CSMD1: variants seen among roughly 807,000 people sequenced by gnomAD.
The protein encoded by CSMD1 is CUB and Sushi multiple domains 1.
A neutral mutation model predicts 417.5 loss-of-function variants in CSMD1; 213 were observed. That is an observed-to-expected ratio of 0.51 (90% confidence interval 0.46 to 0.57). The LOEUF is 0.57. CSMD1 is among the 20% of genes least tolerant of loss of function. CSMD1 has a pLI of 0.00. For missense variants in CSMD1, 6,923 were observed against 4,529.7 expected (o/e 1.53, Z -15.17); for synonymous variants, 2,862 against 1,736.8 (o/e 1.65, Z -16.11).
chr8:3,707,962 T>C (rs1563294503), intron 7 of CSMD1, among the ~76,000 whole-genome samples: 1 of 152,208 alleles, frequency 6.6e-6, no homozygotes, highest in Non-Finnish European at 1.5e-5. Flanking sequence ...GTTTTCTCTT[T>C]GGAAGGACGT....
At chr8:4,139,678 T>C (rs1429097394) in intron 3 of CSMD1, among the ~76,000 whole-genome samples, 5 of 151,036 alleles carry the variant, frequency 3.3e-5, no homozygotes, top group South Asian at 2.1e-4. Context: ...AACAGTGCCA[T>C]TTGCAAATGT....
chr8:3,313,838 C>T lies in CSMD1; in HGVS notation c.3632-5335G>A, dbSNP rs565032998. On this transcript the variant is annotated intron_variant, in intron 23 of 69. Coordinates refer to ENST00000635120, the MANE Select transcript of CSMD1 (RefSeq NM_033225.6). ...ATGCACACGTATGTTTATAGCGGCA[C>T]TATTCACAATAGCAAAGATTTGGAA... 9.8e-4 allele frequency among the ~76,000 whole-genome samples: 149 copies of T among 152,288 alleles called. 2 individuals are homozygous for T. The highest frequency in any genetic ancestry group is 3.3e-3 in the Admixed American group (51 of 15,306).
intron 2 of CSMD1, among the ~76,000 whole-genome samples, chr8:4,553,822 G>C (rs1040390474): frequency 6.6e-6 from 1 of 152,182 alleles, no homozygotes; most frequent in South Asian, 2.1e-4. Flanking sequence ...CTATTTACAA[G>C]GGACATGATT....
At chr8:3,986,673 G>C (rs570541054) in intron 5 of CSMD1, among the ~76,000 whole-genome samples, 59 of 152,202 alleles carry the variant, frequency 3.9e-4, no homozygotes, top group African/African-American at 1.4e-3. Context: ...ATGAGGGACA[G>C]AGTGAACATT....
intron 21 of CSMD1, among the ~76,000 whole-genome samples, chr8:3,352,893 G>C (rs1808510245): frequency 6.6e-6 from 1 of 151,774 alleles, no homozygotes; most frequent in South Asian, 2.1e-4. Flanking sequence ...AAACACATGG[G>C]GGTATATAAC....
intron 5 of CSMD1, among the ~76,000 whole-genome samples, chr8:3,889,869 C>G (rs138381523): frequency 6.6e-6 from 1 of 152,072 alleles, no homozygotes; most frequent in African/African-American, 2.4e-5. Flanking sequence ...TACCAAAGGT[C>G]AAAGGCACTG....
At chr8:4,292,737 G>A (rs950043861) in intron 3 of CSMD1, among the ~76,000 whole-genome samples, 1 of 152,016 alleles carries the variant, frequency 6.6e-6, no homozygotes, top group Non-Finnish European at 1.5e-5. Flanking sequence ...TAGGCCTCTA[G>A]TATCTTCATC....
intron 1 of CSMD1, among the ~76,000 whole-genome samples, chr8:4,657,168 C>T (rs1012163487): frequency 5.3e-5 from 8 of 151,996 alleles, no homozygotes; most frequent in African/African-American, 1.9e-4. Flanking sequence ...ACACATATGC[C>T]CAGGGCAGAA....
At chr8:3,846,142 G>T (rs1214710084) in intron 5 of CSMD1, among the ~76,000 whole-genome samples, 2 of 152,146 alleles carry the variant, frequency 1.3e-5, no homozygotes, top group Admixed American at 6.5e-5. Context: ...GGTTGTTTAT[G>T]ATCAGGATCA....
intron 41 of CSMD1, among the ~76,000 whole-genome samples, chr8:3,123,824 G>GAC (rs1476490505): frequency 2.6e-5 from 4 of 152,168 alleles, no homozygotes; most frequent in Non-Finnish European, 5.9e-5. Flanking sequence ...GTTTAACAGA[G>GAC]ACACACACAC....
intron 36 of CSMD1, among the ~76,000 whole-genome samples, chr8:3,186,220 C>T (rs1585592610): frequency 1.3e-5 from 2 of 152,046 alleles, no homozygotes; most frequent in South Asian, 2.1e-4. Flanking sequence ...GTATTCCTAA[C>T]AACAAACACA....
chr8:3,077,022 C>T lies in CSMD1; in HGVS notation c.7474+10075G>A, dbSNP rs1585289688. On this transcript the variant is annotated intron_variant, in intron 49 of 69. Transcript: ENST00000635120. Reference sequence around the variant, plus strand: ...CTTCCTTCCTCCCTGTTTTTGGAGTCCTAAGTGCACTTCTTTCCATCCTAT... The same window carrying T: ...CTTCCTTCCTCCCTGTTTTTGGAGTTCTAAGTGCACTTCTTTCCATCCTAT... Among the ~76,000 whole-genome samples, 11 of 123,304 alleles carry T rather than the reference C, an allele frequency of 8.9e-5. No individual in the cohort carries two copies. The South Asian group carries it at 2.8e-3, about 31-fold the overall frequency. The allele number at this position is 123,304 out of a possible 152,430, so 80.9% of individuals were successfully genotyped here.
rs565207005 is a variant in CSMD1 at position 4,303,305 on chromosome 8, C to G, written c.415+116648G>C. On this transcript the variant is annotated intron_variant, in intron 3 of 69. Coordinates refer to ENST00000635120, the MANE Select transcript of CSMD1 (RefSeq NM_033225.6). ...AATAATTATTTTTACTTAGTTATAA[C>G]CTGGCACTGACAAATGTATTAAAGG... Among the ~76,000 whole-genome samples the G allele has an allele frequency of 4.5e-4, 68 of 152,164 alleles. 1 individual carries two copies. The highest frequency in any genetic ancestry group is 2.5e-3 in the Admixed American group (38 of 15,260).
At chr8:3,201,267 C>T (rs528754117) in intron 32 of CSMD1, among the ~76,000 whole-genome samples, 7 of 152,196 alleles carry the variant, frequency 4.6e-5, no homozygotes, top group East Asian at 1.9e-4. Context: ...AAATGTTAAT[C>T]GTTTTTATCT....
intron 6 of CSMD1, among the ~76,000 whole-genome samples, chr8:3,729,569 T>A (rs2623742): frequency 0.96 from 145,961 of 152,190 alleles, 70,311 homozygotes; most frequent in East Asian, 1. Flanking sequence ...AGGTATCGGG[T>A]CAGTAAGACT....
intron 3 of CSMD1, among the ~76,000 whole-genome samples, chr8:4,262,598 T>C (rs1377760476): frequency 2.6e-5 from 4 of 152,118 alleles, no homozygotes; most frequent in African/African-American, 9.7e-5. Flanking sequence ...ACTCCTTATC[T>C]TCAGGACCCT....
chr8:2,946,418 C>A (rs1311468109), intron 68 of CSMD1, among the ~76,000 whole-genome samples: 1 of 152,164 alleles, frequency 6.6e-6, no homozygotes, highest in Non-Finnish European at 1.5e-5. Context: ...TCAACCCAGG[C>A]AACCACTAAT....
rs1207289957 is a variant in CSMD1, at chr8:4,868,597, T to A, written c.85+125735A>T. On this transcript the variant is annotated intron_variant, in intron 1 of 69. Coordinates refer to ENST00000635120, the MANE Select transcript of CSMD1 (RefSeq NM_033225.6). ...AACCAATCATTTTCATTCGTCTAAA[T>A]TGAGGCATAATGAACAAGTGTTCAA... Among the ~76,000 whole-genome samples the A allele has an allele frequency of 2.0e-5, 3 of 152,080 alleles. No individual in the cohort carries two copies. In the South Asian group the frequency reaches 6.2e-4, roughly 31 times the overall value.
At chr8:3,287,958 T>C (rs1050990982) in intron 25 of CSMD1, among the ~76,000 whole-genome samples, 4 of 146,744 alleles carry the variant, frequency 2.7e-5, no homozygotes, top group Non-Finnish European at 5.9e-5. Flanking sequence ...ATAGCTCTTA[T>C]TATTTTGAGA....
Sources: allele counts gnomAD v4.1 joint callset (sites outside exome capture counted in the v4.1 genomes callset), GRCh38; gene constraint gnomAD v4.1.1; transcripts MANE v1.5; gene names NCBI Gene and HGNC (gene_info 2026-07-23, HGNC 2026-07-21).